Variants in SLC25A37 observed in about 807,000 individuals in gnomAD.
SLC25A37 encodes mitoferrin-1.
In SLC25A37, 17 loss-of-function variants were observed where a neutral mutation model predicts 31.0. The ratio of observed to expected loss-of-function variants is 0.55; its 90% CI spans 0.38 to 0.82. The LOEUF (loss-of-function observed/expected upper bound fraction) is 0.82, where lower values mean the gene tolerates loss of function less well. SLC25A37 is among the 40% of genes least tolerant of loss of function. The pLI, the probability that SLC25A37 is intolerant of heterozygous loss-of-function variation, is 0.00. For missense variants in SLC25A37, 404 were observed against 465.8 expected (o/e 0.87, Z 1.22); for synonymous variants, 222 against 193.0 (o/e 1.15, Z -1.24).
intron 2 of SLC25A37, chr8:23,568,057 T>A (rs145252646): frequency 2.0e-5 from 10 of 501,100 alleles, no homozygotes; most frequent in Non-Finnish European, 3.7e-5. Context: ...AGGTTTAGCT[T>A]TTTCCCAGGG....
Position 23,571,418 on chromosome 8 carries a change from T to C in SLC25A37, c.580T>C (p.Leu194=), listed in dbSNP as rs1233467463. ...CIRTVWRTEG[L]GAFYRSYTTQ... ...CCGGACGGTGTGGAGGACCGAGGGG[T>C]TGGGGGCCTTCTACCGGAGCTACAC... is the stretch of plus-strand genomic sequence containing the variant. The change falls in exon 4 of 4, where the codon TTG becomes CTG. Residue 194 remains leucine (L), a synonymous_variant. Coordinates refer to ENST00000519973, the MANE Select transcript of SLC25A37 (RefSeq NM_016612.4). 2 of 1,613,264 alleles carry C rather than the reference T, an allele frequency of 1.2e-6. No homozygotes were observed. Among genetic ancestry groups the C allele is most frequent in the African/African-American group, 1.3e-5 (1 of 74,714 alleles).
intron 3 of SLC25A37, among the ~76,000 whole-genome samples, chr8:23,570,424 G>A (rs1472927269): frequency 6.6e-6 from 1 of 151,470 alleles, no homozygotes; most frequent in African/African-American, 2.4e-5. Flanking sequence ...GGTGGGGTGG[G>A]GTGGAGAGGA....
At position 23,549,101 on chromosome 8, in the gene SLC25A37, C is replaced by G. The variant is rs562874077; in HGVS notation, c.211-17007C>G. On this transcript the variant is annotated intron_variant, in intron 1 of 3. Coordinates refer to ENST00000519973, the MANE Select transcript of SLC25A37 (RefSeq NM_016612.4). ...TTTTATCGATAGGATTTTTAGTACT[C>G]TCTCTCTCCTCTACTAGACTATAAA... Among the ~76,000 whole-genome samples, 18 of 152,266 alleles carry G rather than the reference C, an allele frequency of 1.2e-4. No individual in the cohort carries two copies. The South Asian group carries it at 1.2e-3, about 11-fold the overall frequency.
chr8:23,547,783 C>G (rs181464348), intron 1 of SLC25A37, among the ~76,000 whole-genome samples: 4 of 152,194 alleles, frequency 2.6e-5, no homozygotes, highest in African/African-American at 7.2e-5. Flanking sequence ...TAACTTCCAA[C>G]GACAACACTT....
intron 1 of SLC25A37, among the ~76,000 whole-genome samples, chr8:23,564,891 C>T (rs979355519): frequency 2.6e-5 from 4 of 152,132 alleles, no homozygotes; most frequent in African/African-American, 9.7e-5. Flanking sequence ...ACCTACCTAC[C>T]TATCTAATCT....
At chr8:23,534,903 C>G (rs1308781649) in intron 1 of SLC25A37, among the ~76,000 whole-genome samples, 1 of 152,204 alleles carries the variant, frequency 6.6e-6, no homozygotes, top group African/African-American at 2.4e-5. Context: ...TCCCTGAGGA[C>G]TCTGGCATCT....
intron 1 of SLC25A37, among the ~76,000 whole-genome samples, chr8:23,555,892 A>G (rs1802351315): frequency 6.6e-6 from 1 of 152,252 alleles, no homozygotes; most frequent in African/African-American, 2.4e-5. Context: ...CCTGTAGGTG[A>G]GGCAGGGAAA....
chr8:23,530,101 G>T (rs561619636), intron 1 of SLC25A37, among the ~76,000 whole-genome samples: 1 of 152,360 alleles, frequency 6.6e-6, no homozygotes, highest in African/African-American at 2.4e-5. Flanking sequence ...CCAGGATAGA[G>T]TAGTGCAGGA....
chr8:23,562,317 A>T (rs1330547162), intron 1 of SLC25A37, among the ~76,000 whole-genome samples: 1 of 152,212 alleles, frequency 6.6e-6, no homozygotes, highest in Non-Finnish European at 1.5e-5. Context: ...AAATGCGGTG[A>T]CACGTGAACT....
In SLC25A37 at chr8:23,572,409, T is replaced by TGAGGG. The variant is rs1802885811; in HGVS notation, c.*554_*555insGAGGG. ...CCAGCTGTTTTTGTTGTTGTTATGT[T>TGAGGG]TTTAAGAGGGTTGAATTCTTCCATC... On this transcript the variant is annotated 3_prime_UTR_variant, in exon 4 of 4. Coordinates refer to ENST00000519973, the MANE Select transcript of SLC25A37 (RefSeq NM_016612.4). 1 of 152,582 alleles carries TGAGGG rather than the reference T, an allele frequency of 6.6e-6. No individual in the cohort carries two copies. The highest frequency in any genetic ancestry group is 1.9e-4 in the East Asian group (1 of 5,196). The allele number at this position is 152,582 out of a possible 1,614,324, so 9.5% of individuals were successfully genotyped here.
chr8:23,547,164 G>T (rs1394227774), intron 1 of SLC25A37, among the ~76,000 whole-genome samples: 1 of 152,180 alleles, frequency 6.6e-6, no homozygotes, highest in Non-Finnish European at 1.5e-5. Flanking sequence ...GCTTCTACCA[G>T]AAGTGAGTGA....
chr8:23,559,337 T>TTGTGTGTGTGTGTG (rs746195333), intron 1 of SLC25A37, among the ~76,000 whole-genome samples: 7 of 133,204 alleles, frequency 5.3e-5, no homozygotes, highest in Non-Finnish European at 9.9e-5. Context: ...CTGTCTCCGG[T>TTGTGTGTGTGTGTG]TGTGTGTGTG....
chr8:23,535,637 T>G (rs1412197952), intron 1 of SLC25A37, among the ~76,000 whole-genome samples: 1 of 152,200 alleles, frequency 6.6e-6, no homozygotes, highest in Non-Finnish European at 1.5e-5. Flanking sequence ...TAGTCTGTTT[T>G]CAAGCTGCTG....
At chr8:23,549,641 G>A (rs75932841) in intron 1 of SLC25A37, among the ~76,000 whole-genome samples, 5 of 152,272 alleles carry the variant, frequency 3.3e-5, no homozygotes, top group South Asian at 2.1e-4. Context: ...AAGGTGAAAG[G>A]TGTGTGGAGA....
At chr8:23,539,121 G>A (rs1441901729) in intron 1 of SLC25A37, among the ~76,000 whole-genome samples, 1 of 152,168 alleles carries the variant, frequency 6.6e-6, no homozygotes, top group Non-Finnish European at 1.5e-5. Context: ...AGGTGTTATG[G>A]TTTCACATTC....
chr8:23,570,763 T>C (rs1802803514), intron 3 of SLC25A37, among the ~76,000 whole-genome samples: 1 of 152,198 alleles, frequency 6.6e-6, no homozygotes, highest in Non-Finnish European at 1.5e-5. Flanking sequence ...TTAGTCTCAT[T>C]TGCCTCTTGT....
intron 1 of SLC25A37, among the ~76,000 whole-genome samples, chr8:23,561,030 A>G (rs1356913196): frequency 6.6e-6 from 1 of 152,158 alleles, no homozygotes; most frequent in Non-Finnish European, 1.5e-5. Context: ...GAGTTGGGGA[A>G]AGTGAATCAT....
intron 1 of SLC25A37, among the ~76,000 whole-genome samples, chr8:23,534,805 A>C (rs17089331): frequency 6.6e-6 from 1 of 152,194 alleles, no homozygotes; most frequent in Non-Finnish European, 1.5e-5. Flanking sequence ...CATGCCTGGT[A>C]CACGCACAGA....
At position 23,573,925 on chromosome 8, in the gene SLC25A37, A is replaced by G. The variant is rs1460855650; in HGVS notation, c.*2070A>G. The G allele has an allele frequency of 2.2e-6, 1 of 445,898 alleles. No individual in the cohort carries two copies. The highest frequency in any genetic ancestry group is 2.0e-5 in the African/African-American group (1 of 49,916). The allele number at this position is 445,898 out of a possible 1,614,324, so 27.6% of individuals were successfully genotyped here. On this transcript the variant is annotated 3_prime_UTR_variant, in exon 4 of 4. Coordinates refer to ENST00000519973, the MANE Select transcript of SLC25A37 (RefSeq NM_016612.4). ...GAAAATGTTTACATCTCCGCTCTCA[A>G]CCTGCCTTGGGTTCGTGTTAAATGG... is the stretch of plus-strand genomic sequence containing the variant.
Sources: gnomAD v4.1 joint callset for allele counts (sites outside exome capture counted in the v4.1 genomes callset) on GRCh38, gnomAD v4.1.1 for gene constraint, MANE v1.5 for transcripts, NCBI Gene and HGNC (gene_info 2026-07-23, HGNC 2026-07-21) for gene names.